Variants in EXOC4 observed in about 807,000 individuals in gnomAD.
The protein encoded by EXOC4 is exocyst complex component 4.
EXOC4 carries 71 observed loss-of-function variants against 107.2 expected under a neutral mutation model. The observed-to-expected ratio is 0.66, with a 90% CI of 0.55 to 0.81. EXOC4 has a LOEUF of 0.81. Among genes scored for constraint, EXOC4 ranks in the 30% least tolerant of loss-of-function variants. The probability of loss-of-function intolerance (pLI) is 0.00; values close to 1 mark genes in which losing one functional copy is unlikely to be tolerated. For missense variants in EXOC4, 1,108 were observed against 1,189.6 expected, an observed-to-expected ratio of 0.93 and a Z score of 1.01; for synonymous variants, 456 against 441.2, an observed-to-expected ratio of 1.03 and a Z score of -0.42.
chr7:133,332,337 T>C (rs2150607226), intron 5 of EXOC4, among the ~76,000 whole-genome samples: 1 of 152,274 alleles, frequency 6.6e-6, no homozygotes, highest in South Asian at 2.1e-4. Flanking sequence ...ATATATATCT[T>C]AAGAATTTGG....
intron 10 of EXOC4, among the ~76,000 whole-genome samples, chr7:133,693,682 C>T (rs1794469859): frequency 6.6e-6 from 1 of 152,144 alleles, no homozygotes; most frequent in South Asian, 2.1e-4. Context: ...ATATAAAATG[C>T]TGTCTATATT....
chr7:133,441,700 G>A (rs923061660), intron 7 of EXOC4, among the ~76,000 whole-genome samples: 7 of 152,096 alleles, frequency 4.6e-5, no homozygotes, highest in South Asian at 2.1e-4. Flanking sequence ...ACCGTGCTCC[G>A]CCTCTAGTTA....
chr7:133,305,133 T>G (rs965736712), intron 3 of EXOC4, among the ~76,000 whole-genome samples: 2 of 152,088 alleles, frequency 1.3e-5, no homozygotes, highest in African/African-American at 4.8e-5. Context: ...TGCTCCAGGT[T>G]CCCTGAATCC....
chr7:133,613,604 C>CAA (rs199537076), intron 9 of EXOC4, among the ~76,000 whole-genome samples: 3 of 135,458 alleles, frequency 2.2e-5, no homozygotes, highest in Admixed American at 7.4e-5. Context: ...CATGACATTA[C>CAA]AAAAAAAAAA....
In EXOC4 at chr7:133,395,355, T is replaced by C. The variant is rs146674435; in HGVS notation, c.1182+20353T>C. On this transcript the variant is annotated intron_variant, in intron 7 of 17. Transcript: ENST00000253861. ...ATCACTAATCACAGGATTAAAGCGA[T>C]GAGGAAGTATATACAGTGAAGAATG... Among the ~76,000 whole-genome samples, 64 of 152,202 alleles carry C rather than the reference T, an allele frequency of 4.2e-4. 1 individual carries two copies. Among genetic ancestry groups the C allele is most frequent in the African/African-American group, 1.5e-3 (64 of 41,552 alleles).
chr7:133,360,544 G>A (rs1304975176), intron 6 of EXOC4, among the ~76,000 whole-genome samples: 4 of 152,188 alleles, frequency 2.6e-5, no homozygotes, highest in African/African-American at 7.2e-5. Context: ...ATTTTAAAAG[G>A]TTCATTGACT....
chr7:133,823,443 A>G (rs1272802404), intron 11 of EXOC4, among the ~76,000 whole-genome samples: 2 of 152,158 alleles, frequency 1.3e-5, no homozygotes, highest in Admixed American at 1.3e-4. Flanking sequence ...CCCAACATGC[A>G]GCCAGAATTT....
intron 9 of EXOC4, among the ~76,000 whole-genome samples, chr7:133,567,642 A>G (rs2150956170): frequency 6.6e-6 from 1 of 152,284 alleles, no homozygotes; most frequent in East Asian, 1.9e-4. Context: ...AATATCATAG[A>G]CTGGATAATT....
chr7:133,653,200 T>A (rs1201658718), intron 10 of EXOC4, among the ~76,000 whole-genome samples: 1 of 152,182 alleles, frequency 6.6e-6, no homozygotes, highest in Non-Finnish European at 1.5e-5. Flanking sequence ...AAGATCATTA[T>A]TAATATTAAT....
At chr7:133,617,639 C>T (rs1802225749) in intron 9 of EXOC4, among the ~76,000 whole-genome samples, 2 of 152,110 alleles carry the variant, frequency 1.3e-5, no homozygotes, top group Non-Finnish European at 2.9e-5. Flanking sequence ...GAAGCATCCC[C>T]ATCATCTACA....
At chr7:133,936,858 C>G (rs1800315750) in intron 13 of EXOC4, among the ~76,000 whole-genome samples, 2 of 152,120 alleles carry the variant, frequency 1.3e-5, no homozygotes, top group African/African-American at 2.4e-5. Flanking sequence ...CGGGGTTTCA[C>G]TGTTGTTGCC....
intron 11 of EXOC4, among the ~76,000 whole-genome samples, chr7:133,843,914 G>C (rs1166744664): frequency 6.6e-6 from 1 of 152,178 alleles, no homozygotes; most frequent in Non-Finnish European, 1.5e-5. Context: ...CATCCATTGA[G>C]CTAATCATGT....
At chr7:133,493,866 T>G (rs1470061995) in intron 9 of EXOC4, among the ~76,000 whole-genome samples, 1 of 152,168 alleles carries the variant, frequency 6.6e-6, no homozygotes, top group Non-Finnish European at 1.5e-5. Context: ...ACCCCAGAGA[T>G]AAATATTAAT....
At chr7:133,762,575 A>G (rs1332202525) in intron 10 of EXOC4, among the ~76,000 whole-genome samples, 3 of 152,184 alleles carry the variant, frequency 2.0e-5, no homozygotes, top group Non-Finnish European at 4.4e-5. Flanking sequence ...TGATATGCAT[A>G]TAAATATTTT....
the EXOC4 span, among the ~76,000 whole-genome samples, chr7:134,093,826 T>G: frequency 6.6e-6 from 1 of 152,194 alleles, no homozygotes; most frequent in African/African-American, 2.4e-5. Flanking sequence ...TGAATGACTT[T>G]TGGGTAAACA....
At chr7:134,066,483 C>T (rs939545618), downstream of EXOC4, 4 of 152,126 alleles carry the variant, frequency 2.6e-5, no homozygotes, top group African/African-American at 9.7e-5. Flanking sequence ...CTTACAATGA[C>T]GGGACTGAAA....
At chr7:133,261,224 GATTA>G (rs1429590919) in intron 1 of EXOC4, among the ~76,000 whole-genome samples, 1 of 147,804 alleles carries the variant, frequency 6.8e-6, no homozygotes, top group African/African-American at 2.5e-5. Flanking sequence ...GGTTTCCATT[GATTA>G]ATTTTTTTTT....
intron 7 of EXOC4, among the ~76,000 whole-genome samples, chr7:133,458,018 A>G (rs954247463): frequency 6.6e-6 from 1 of 152,220 alleles, no homozygotes; most frequent in Non-Finnish European, 1.5e-5. Flanking sequence ...TCAGAGACCA[A>G]TAGTGGGGTT....
At chr7:133,504,691 C>T (rs1043677796) in intron 9 of EXOC4, among the ~76,000 whole-genome samples, 2 of 151,666 alleles carry the variant, frequency 1.3e-5, no homozygotes, top group Non-Finnish European at 2.9e-5. Context: ...TAATAGTGAT[C>T]GACTAATGTA....
Sources: gnomAD v4.1 joint callset for allele counts (sites outside exome capture counted in the v4.1 genomes callset) on GRCh38, gnomAD v4.1.1 for gene constraint, MANE v1.5 for transcripts, NCBI Gene and HGNC (gene_info 2026-07-23, HGNC 2026-07-21) for gene names.